Variants in B3GALT1 observed in about 807,000 individuals in gnomAD.
B3GALT1 encodes beta-1,3-galactosyltransferase 1, also known as UDP-Gal:betaGlcNAc beta 1,3-galactosyltransferase, polypeptide 1.
A neutral mutation model predicts 23.2 loss-of-function variants in B3GALT1; 10 were observed. The observed-to-expected ratio is 0.43, with a 90% CI of 0.27 to 0.73. B3GALT1 has a LOEUF of 0.73. Among genes scored for constraint, B3GALT1 ranks in the 30% least tolerant of loss-of-function variants. The pLI is 0.21. For missense variants in B3GALT1, 299 were observed against 405.4 expected, an observed-to-expected ratio of 0.74 and a Z score of 2.25; for synonymous variants, 156 against 141.5, an observed-to-expected ratio of 1.10 and a Z score of -0.73.
At chr2:167,832,767 C>T (rs1213959098) in intron 4 of B3GALT1, among the ~76,000 whole-genome samples, 1 of 152,316 alleles carries the variant, frequency 6.6e-6, no homozygotes, top group South Asian at 2.1e-4. Flanking sequence ...AAACATGTTC[C>T]TTCACAATCT....
intron 2 of B3GALT1, among the ~76,000 whole-genome samples, chr2:167,608,331 A>G (rs1685002099): frequency 6.6e-6 from 1 of 152,184 alleles, no homozygotes; most frequent in Non-Finnish European, 1.5e-5. Flanking sequence ...TTGTCATAAT[A>G]CATATTCATC....
chr2:167,414,598 A>G (rs1163403219), intron 1 of B3GALT1, among the ~76,000 whole-genome samples: 2 of 152,166 alleles, frequency 1.3e-5, no homozygotes, highest in Non-Finnish European at 2.9e-5. Flanking sequence ...CTTTCTCCAG[A>G]AAAGCCATTT....
intron 1 of B3GALT1, among the ~76,000 whole-genome samples, chr2:167,326,928 G>A (rs2105497352): frequency 6.6e-6 from 1 of 152,184 alleles, no homozygotes; most frequent in African/African-American, 2.4e-5. Flanking sequence ...GACCTCAGGT[G>A]ATCCTCCTGC....
chr2:167,619,225 A>G (rs769949354), intron 2 of B3GALT1, among the ~76,000 whole-genome samples: 2 of 151,742 alleles, frequency 1.3e-5, no homozygotes, highest in Non-Finnish European at 2.9e-5. Flanking sequence ...CACAAGTACA[A>G]CTCCAACTCA....
chr2:167,404,816 C>T (rs955103249), intron 1 of B3GALT1, among the ~76,000 whole-genome samples: 1 of 152,120 alleles, frequency 6.6e-6, no homozygotes, highest in African/African-American at 2.4e-5. Context: ...GCACTCTGTG[C>T]GTGTATTCCT....
At chr2:167,295,481 CTT>C (rs1039077368) in intron 1 of B3GALT1, among the ~76,000 whole-genome samples, 11 of 152,006 alleles carry the variant, frequency 7.2e-5, no homozygotes, top group African/African-American at 2.7e-4. Context: ...GCTGGTAAAA[CTT>C]TTTGTTTTCC....
intron 1 of B3GALT1, among the ~76,000 whole-genome samples, chr2:167,418,858 T>C (rs1698507394): frequency 6.6e-6 from 1 of 152,136 alleles, no homozygotes. Flanking sequence ...CTTCTCTCTT[T>C]TCCACCCATC....
At chr2:167,498,626 A>G (rs1180096248) in intron 2 of B3GALT1, among the ~76,000 whole-genome samples, 1 of 152,180 alleles carries the variant, frequency 6.6e-6, no homozygotes, top group African/African-American at 2.4e-5. Flanking sequence ...AATGTAAGAA[A>G]AGAGGCGGGC....
At chr2:167,327,111 T>C (rs1289068951) in intron 1 of B3GALT1, among the ~76,000 whole-genome samples, 1 of 152,150 alleles carries the variant, frequency 6.6e-6, no homozygotes, top group Non-Finnish European at 1.5e-5. Flanking sequence ...GTTCCATTGA[T>C]CTATATGTTT....
At chr2:167,358,439 T>G (rs1574047305) in intron 1 of B3GALT1, among the ~76,000 whole-genome samples, 1 of 152,224 alleles carries the variant, frequency 6.6e-6, no homozygotes, top group East Asian at 1.9e-4. Context: ...TTTGTCTTGT[T>G]GGAGGCAGCT....
At chr2:167,299,725 A>G (rs982835049) in intron 1 of B3GALT1, among the ~76,000 whole-genome samples, 2 of 152,032 alleles carry the variant, frequency 1.3e-5, no homozygotes, top group African/African-American at 4.8e-5. Context: ...AAAATACAAA[A>G]TAGGCAGATC....
intron 1 of B3GALT1, among the ~76,000 whole-genome samples, chr2:167,318,548 C>T (rs988483990): frequency 1.3e-5 from 2 of 151,916 alleles, no homozygotes; most frequent in African/African-American, 4.8e-5. Context: ...AAAAATCCAA[C>T]TTAAGTTTCT....
At chr2:167,663,098 A>C (rs1041607883) in intron 3 of B3GALT1, among the ~76,000 whole-genome samples, 2 of 131,236 alleles carry the variant, frequency 1.5e-5, no homozygotes, top group Non-Finnish European at 3.3e-5. Context: ...TCCCAATGCT[A>C]TCCCTCCCCC....
At chr2:167,504,490 T>C (rs1345525410) in intron 2 of B3GALT1, among the ~76,000 whole-genome samples, 1 of 152,202 alleles carries the variant, frequency 6.6e-6, no homozygotes, top group Admixed American at 6.5e-5. Flanking sequence ...TATAGGACTA[T>C]GTGACCATGA....
At chr2:167,608,635 A>C (rs1409202934) in intron 2 of B3GALT1, among the ~76,000 whole-genome samples, 2 of 152,190 alleles carry the variant, frequency 1.3e-5, no homozygotes, top group East Asian at 3.8e-4. Flanking sequence ...TAGCATAGGA[A>C]GTTCTGATCC....
chr2:167,421,836 T>A (rs548540157), intron 1 of B3GALT1, among the ~76,000 whole-genome samples: 29 of 152,098 alleles, frequency 1.9e-4, no homozygotes, highest in Non-Finnish European at 3.8e-4. Flanking sequence ...GGAAAATATA[T>A]CTAAATGAAA....
intron 2 of B3GALT1, among the ~76,000 whole-genome samples, chr2:167,490,848 T>C (rs527416870): frequency 6.6e-6 from 1 of 152,294 alleles, no homozygotes; most frequent in South Asian, 2.1e-4. Flanking sequence ...AATCAAGACA[T>C]TGGGTTCTAG....
At chr2:167,376,389 A>G (rs951590356) in intron 1 of B3GALT1, among the ~76,000 whole-genome samples, 3 of 151,990 alleles carry the variant, frequency 2.0e-5, no homozygotes, top group Non-Finnish European at 4.4e-5. Flanking sequence ...TCCCTTCTCA[A>G]TGTTTTGGAA....
chr2:167,449,619 C>T lies in B3GALT1; in HGVS notation c.-510-40558C>T, dbSNP rs188742755. Among the ~76,000 whole-genome samples the T allele has an allele frequency of 2.2e-3, 334 of 152,252 alleles. 2 individuals carry two copies. Among genetic ancestry groups the T allele is most frequent in the Non-Finnish European group, 3.8e-3 (261 of 68,008 alleles). On this transcript the variant is annotated intron_variant, in intron 1 of 4. Coordinates refer to ENST00000392690, the MANE Select transcript of B3GALT1 (RefSeq NM_020981.4). ...TCTCTGATTGCTCTGGCTAGGATTTCCAGTACTATGTTGAATAGAAGTGGT... is the reference window on the plus strand; with the variant it reads ...TCTCTGATTGCTCTGGCTAGGATTTTCAGTACTATGTTGAATAGAAGTGGT...
Sources: allele counts gnomAD v4.1 joint callset (sites outside exome capture counted in the v4.1 genomes callset), GRCh38; gene constraint gnomAD v4.1.1; transcripts MANE v1.5; gene names NCBI Gene and HGNC (gene_info 2026-07-23, HGNC 2026-07-21).